MACROD1: variants seen among roughly 807,000 people sequenced by gnomAD.
The protein encoded by MACROD1 is ADP-ribose glycohydrolase MACROD1.
In MACROD1, 31 loss-of-function variants were observed where a neutral mutation model predicts 41.4. That is an observed-to-expected ratio of 0.75 (90% CI 0.56 to 1.01). MACROD1 has a LOEUF of 1.01. Ranked by LOEUF, MACROD1 falls within the 50% of genes least tolerant of loss-of-function variation. The pLI is 0.00. For synonymous variants in MACROD1, 252 were observed against 203.4 expected (o/e 1.24, Z -2.03); for missense variants, 473 against 460.0 (o/e 1.03, Z -0.26).
At position 63,998,649 on chromosome 11, in the gene MACROD1, C is replaced by T. The variant is rs1942754696; in HGVS notation, c.*69G>A. 6.1e-6 allele frequency: 8 copies of T among 1,311,162 alleles called. No individual in the cohort carries two copies. Among genetic ancestry groups the T allele is most frequent in the Middle Eastern group, 2.9e-4 (1 of 3,458 alleles). The allele number at this position is 1,311,162 out of a possible 1,614,324, so 81.2% of individuals were successfully genotyped here. A position where few individuals can be genotyped will look rare whatever the true frequency, so the allele number is the denominator to read the frequency against. ...GCCCAGGCCAGGCTGCAGGCTTTGGCGACCTCTCAGAGCTGGGAGCGGGGT... is the reference window on the plus strand; with the variant it reads ...GCCCAGGCCAGGCTGCAGGCTTTGGTGACCTCTCAGAGCTGGGAGCGGGGT... On this transcript the variant is annotated 3_prime_UTR_variant, in exon 11 of 11. Transcript: ENST00000255681.
At chr11:64,126,663 C>T (rs998140721) in intron 3 of MACROD1, among the ~76,000 whole-genome samples, 3 of 152,030 alleles carry the variant, frequency 2.0e-5, no homozygotes, top group Admixed American at 6.5e-5. Flanking sequence ...AGGGAGGGGT[C>T]CTTGGCCAGC....
At chr11:64,008,120 C>T (rs1186134601) in intron 4 of MACROD1, among the ~76,000 whole-genome samples, 1 of 152,230 alleles carries the variant, frequency 6.6e-6, no homozygotes, top group African/African-American at 2.4e-5. Context: ...TGGGCGAATC[C>T]TCCCGGGCCT....
chr11:64,017,991 C>T (rs780609916), intron 3 of MACROD1, among the ~76,000 whole-genome samples: 3 of 152,198 alleles, frequency 2.0e-5, no homozygotes, highest in Non-Finnish European at 4.4e-5. Flanking sequence ...TGTGTGTGGC[C>T]TGCACTGCAC....
rs1944339677 is a variant in MACROD1 at position 64,083,552 on chromosome 11, G to A, written c.517+67687C>T. On this transcript the variant is annotated intron_variant, in intron 3 of 10. Transcript: ENST00000255681. ...CTCCCTCCCTCCTCTTGATCCTCTC[G>A]TATTATGTTGTATTTCTGTAAGCTG... 2.6e-5 allele frequency among the ~76,000 whole-genome samples: 4 copies of A among 152,230 alleles called. No individual in the cohort carries two copies. In the South Asian group the frequency reaches 6.2e-4, roughly 24 times the overall value.
chr11:64,033,002 C>T (rs901304023), intron 3 of MACROD1, among the ~76,000 whole-genome samples: 2 of 152,126 alleles, frequency 1.3e-5, no homozygotes, highest in East Asian at 3.9e-4. Context: ...GGCTGTTTCA[C>T]GTCACAGCAA....
intron 3 of MACROD1, among the ~76,000 whole-genome samples, chr11:64,105,233 C>T (rs1944739290): frequency 6.6e-6 from 1 of 152,218 alleles, no homozygotes; most frequent in African/African-American, 2.4e-5. Flanking sequence ...TGCTTCTCTC[C>T]CAGTGCCCAG....
Position 64,096,477 on chromosome 11 carries a change from A to G in MACROD1, c.517+54762T>C, listed in dbSNP as rs1173376344. 6.6e-6 allele frequency among the ~76,000 whole-genome samples: 1 copy of G among 150,974 alleles called. No individual in the cohort carries two copies. The highest frequency in any genetic ancestry group is 1.5e-5 in the Non-Finnish European group (1 of 67,756). ...GCCCAGGATGATGAAGTGCAGTGGT[A>G]TGATCTCGGCTCACTGCAACCTCCG... On this transcript the variant is annotated intron_variant, in intron 3 of 10. Coordinates refer to ENST00000255681, the MANE Select transcript of MACROD1 (RefSeq NM_014067.4). The surrounding 1 kb of genome is among the most constrained non-coding windows in gnomAD (Gnocchi z 4.6).
intron 3 of MACROD1, among the ~76,000 whole-genome samples, chr11:64,105,166 A>C (rs1279619886): frequency 6.6e-6 from 1 of 152,214 alleles, no homozygotes; most frequent in African/African-American, 2.4e-5. Flanking sequence ...TTTATTATAA[A>C]AGTGCGCCAG....
intron 1 of MACROD1, among the ~76,000 whole-genome samples, chr11:64,160,108 C>T (rs1438232143): frequency 3.9e-5 from 6 of 152,128 alleles, no homozygotes; most frequent in Admixed American, 1.3e-4. Context: ...ATGGAAATAC[C>T]GAGCAAACGC....
chr11:64,078,217 C>T (rs1456759301), intron 3 of MACROD1, among the ~76,000 whole-genome samples: 1 of 152,190 alleles, frequency 6.6e-6, no homozygotes, highest in African/African-American at 2.4e-5. Context: ...TGCCCATGCC[C>T]AGTAGGACGT....
At chr11:64,035,634 C>G (rs1286305757) in intron 3 of MACROD1, among the ~76,000 whole-genome samples, 2 of 150,020 alleles carry the variant, frequency 1.3e-5, no homozygotes, top group South Asian at 4.2e-4. Flanking sequence ...CGCTTCTCCC[C>G]GGCTGGGCCA....
intron 3 of MACROD1, among the ~76,000 whole-genome samples, chr11:64,048,207 G>C (rs529828412): frequency 2.1e-3 from 316 of 152,354 alleles, no homozygotes; most frequent in Middle Eastern, 3.4e-3. Flanking sequence ...TGAGAGCCGG[G>C]GGCCTTCGAG....
chr11:64,045,904 T>G (rs1029306800), intron 3 of MACROD1, among the ~76,000 whole-genome samples: 1 of 152,124 alleles, frequency 6.6e-6, no homozygotes, highest in Non-Finnish European at 1.5e-5. Flanking sequence ...CTGGGCAACA[T>G]AGCGAGACCC....
intron 3 of MACROD1, among the ~76,000 whole-genome samples, chr11:64,032,871 C>A (rs1279546931): frequency 1.3e-5 from 2 of 152,162 alleles, no homozygotes; most frequent in Non-Finnish European, 2.9e-5. Context: ...AAGAGGCACT[C>A]CAGGTTTGTC....
rs1945112740 is a variant in MACROD1, at chr11:64,122,388, C to G, written c.517+28851G>C. Among the ~76,000 whole-genome samples, 1 of 152,176 alleles carries G rather than the reference C, an allele frequency of 6.6e-6. No homozygotes were observed. The highest frequency in any genetic ancestry group is 6.5e-5 in the Admixed American group (1 of 15,272). ...TGGGTGACGCTGGCAGGGGAGGGGA[C>G]AGCACCTGGGAAGATGGCAGCAGCT... On this transcript the variant is annotated intron_variant, in intron 3 of 10. Transcript: ENST00000255681. The surrounding 1 kb of genome is among the most constrained non-coding windows in gnomAD (Gnocchi z 4.0).
chr11:64,115,152 T>A (rs1267542931), intron 3 of MACROD1, among the ~76,000 whole-genome samples: 2 of 152,196 alleles, frequency 1.3e-5, no homozygotes, highest in Non-Finnish European at 2.9e-5. Flanking sequence ...TACAGCAGAC[T>A]TTTGCTGGCT....
At chr11:64,065,121 C>T (rs1248743334) in intron 3 of MACROD1, among the ~76,000 whole-genome samples, 2 of 152,308 alleles carry the variant, frequency 1.3e-5, no homozygotes, top group South Asian at 2.1e-4. Context: ...CAGAGGAGAA[C>T]GGGCTACACG....
At chr11:64,010,558 G>A (rs1942993517) in intron 4 of MACROD1, among the ~76,000 whole-genome samples, 1 of 146,466 alleles carries the variant, frequency 6.8e-6, no homozygotes, top group Non-Finnish European at 1.5e-5. Context: ...GGCATGTGTT[G>A]GTTGGGATGT....
chr11:64,152,678 G>A (rs908908175), intron 1 of MACROD1, among the ~76,000 whole-genome samples: 1 of 152,218 alleles, frequency 6.6e-6, no homozygotes, highest in Non-Finnish European at 1.5e-5. Context: ...CCACTTTCCA[G>A]CAGCGTCCAC....
Sources: gnomAD v4.1 joint callset for allele counts (sites outside exome capture counted in the v4.1 genomes callset) on GRCh38, gnomAD v4.1.1 for gene constraint, Gnocchi (gnomAD v3.1) non-coding constraint, MANE v1.5 for transcripts, NCBI Gene and HGNC (gene_info 2026-07-23, HGNC 2026-07-21) for gene names.